Variants in ATG7 observed in about 807,000 individuals in gnomAD.
The protein encoded by ATG7 is autophagy related 7, also known as ubiquitin-like modifier-activating enzyme ATG7.
A neutral mutation model predicts 82.4 loss-of-function variants in ATG7; 70 were observed. The ratio of observed to expected loss-of-function variants is 0.85; its 90% CI spans 0.70 to 1.04. The LOEUF is 1.04. ATG7 is among the 50% of genes least tolerant of loss of function. The pLI is 0.00. For synonymous variants in ATG7, 287 were observed against 313.0 expected (o/e 0.92, Z 0.88); for missense variants, 792 against 864.3 (o/e 0.92, Z 1.05).
the ATG7 span, among the ~76,000 whole-genome samples, chr3:11,573,220 A>G: frequency 7.0e-6 from 1 of 143,844 alleles, no homozygotes; most frequent in Non-Finnish European, 1.5e-5. Context: ...GAGAGAGAGA[A>G]AGACAGACAG....
At chr3:11,341,285 C>T (rs1051779359) in intron 12 of ATG7, among the ~76,000 whole-genome samples, 8 of 152,064 alleles carry the variant, frequency 5.3e-5, no homozygotes, top group African/African-American at 1.9e-4. Flanking sequence ...TGGACTCGAA[C>T]TCCTGACCTC....
intron 9 of ATG7, among the ~76,000 whole-genome samples, chr3:11,330,161 C>G (rs2594998): frequency 1 from 152,332 of 152,332 alleles, 76,166 homozygotes; most frequent in Non-Finnish European, 1. Flanking sequence ...TGATTGCTTG[C>G]TTAAGGTAAT....
At position 11,418,286 on chromosome 3, in the gene ATG7, A is replaced by T. The variant is rs867410568; in HGVS notation, c.1957-8518A>T. Among the ~76,000 whole-genome samples the T allele has an allele frequency of 5.7e-3, 604 of 105,762 alleles. 1 individual carries two copies. The highest frequency in any genetic ancestry group is 0.014 in the African/African-American group (426 of 30,632). The allele number at this position is 105,762 out of a possible 152,430, so 69.4% of individuals were successfully genotyped here. ...TACCTGGCTATTTTTTTTTTTTTTT[A>T]TATTTTGTAGAGACCTGGTCTACAA... is the stretch of plus-strand genomic sequence containing the variant. On this transcript the variant is annotated intron_variant, in intron 19 of 20. Transcript: ENST00000693202.
chr3:11,353,966 A>G (rs1330174439), intron 14 of ATG7, among the ~76,000 whole-genome samples: 2 of 152,220 alleles, frequency 1.3e-5, no homozygotes, highest in East Asian at 1.9e-4. Flanking sequence ...ACAGACTTCA[A>G]GGACAGGGTG....
At chr3:11,441,108 T>A (rs1473516419) in intron 20 of ATG7, among the ~76,000 whole-genome samples, 2 of 152,220 alleles carry the variant, frequency 1.3e-5, no homozygotes, top group African/African-American at 4.8e-5. Context: ...TGCTGTGGGA[T>A]ATTTTTGTTT....
intron 20 of ATG7, among the ~76,000 whole-genome samples, chr3:11,492,125 A>C (rs528544835): frequency 2.0e-5 from 3 of 152,206 alleles, no homozygotes; most frequent in Non-Finnish European, 4.4e-5. Flanking sequence ...CTCCGTGGTC[A>C]TAGGACCCTC....
rs1209078000 is a variant in ATG7 at position 11,362,927 on chromosome 3, G to A, written c.1798G>A (p.Gly600Arg). 3.7e-6 allele frequency: 6 copies of A among 1,613,312 alleles called. No homozygotes were observed. Among genetic ancestry groups the A allele is most frequent in the Admixed American group, 1.7e-5 (1 of 59,944 alleles). Residue 600 changes from glycine to arginine, a missense_variant and splice_region_variant, in exon 17 of 21, where the codon GGG becomes AGG. Coordinates refer to ENST00000693202, the MANE Select transcript of ATG7 (RefSeq NM_001349232.2). Reference sequence around the variant, plus strand: ...GGTATCTGTTTTGCAGCATCCAGAAGGGTGAGTTTGCTAGTAGGAGATGAG... The same window carrying A: ...GGTATCTGTTTTGCAGCATCCAGAAAGGTGAGTTTGCTAGTAGGAGATGAG... ...LMVSVLQHPE[G>R]GYAIASSSDD...
chr3:11,364,423 A>G (rs766673130), intron 17 of ATG7, among the ~76,000 whole-genome samples: 13 of 152,190 alleles, frequency 8.5e-5, no homozygotes, highest in South Asian at 2.1e-4. Flanking sequence ...AAGCACAGAA[A>G]AGTTAAGCAA....
chr3:11,452,745 G>A (rs921869345), intron 20 of ATG7, among the ~76,000 whole-genome samples: 2 of 152,150 alleles, frequency 1.3e-5, no homozygotes, highest in African/African-American at 4.8e-5. Context: ...GGGAACTGAG[G>A]GTTAGAGAGT....
intron 20 of ATG7, among the ~76,000 whole-genome samples, chr3:11,548,089 C>T (rs972253073): frequency 1.3e-5 from 2 of 152,184 alleles, no homozygotes; most frequent in African/African-American, 4.8e-5. Context: ...AGTGACCTTC[C>T]CACCTTGGCC....
intron 20 of ATG7, among the ~76,000 whole-genome samples, chr3:11,542,836 G>T (rs1031547720): frequency 2.0e-5 from 3 of 152,226 alleles, no homozygotes; most frequent in African/African-American, 7.2e-5. Flanking sequence ...TGCCTCAAGT[G>T]TAGCTCGGAG....
intron 20 of ATG7, among the ~76,000 whole-genome samples, chr3:11,460,496 C>T (rs1388699570): frequency 6.6e-6 from 1 of 152,318 alleles, no homozygotes; most frequent in East Asian, 1.9e-4. Context: ...CAGAGCGTTG[C>T]CTTTGCCAGC....
intron 20 of ATG7, among the ~76,000 whole-genome samples, chr3:11,442,507 C>T (rs1009730807): frequency 1.3e-5 from 2 of 151,796 alleles, no homozygotes; most frequent in Admixed American, 1.3e-4. Flanking sequence ...GAACTTTAAA[C>T]AATCATTAGC....
chr3:11,299,402 C>T lies in ATG7; in HGVS notation c.201C>T (p.Phe67=). The T allele has an allele frequency of 6.2e-7, 1 of 1,611,490 alleles. No homozygotes were observed. Among genetic ancestry groups the T allele is most frequent in the Non-Finnish European group, 8.5e-7 (1 of 1,177,640 alleles). The change falls in exon 5 of 21, where the codon TTC becomes TTT. Residue 67 remains phenylalanine, a synonymous_variant. Transcript: ENST00000693202. ...AGLPARLTLE[F]SAFDMSAPTP... is the part of the protein sequence containing the mutation. ...TGCCAGCTCGCTTAACATTGGAGTT[C>T]AGTGCTTTTGACATGTGAGTATTTA...
chr3:11,453,872 C>T (rs1255519480), intron 20 of ATG7, among the ~76,000 whole-genome samples: 1 of 152,126 alleles, frequency 6.6e-6, no homozygotes, highest in Non-Finnish European at 1.5e-5. Context: ...AACAGTGTGC[C>T]CTGGTCAGCT....
At chr3:11,462,409 C>T (rs2086397666) in intron 20 of ATG7, among the ~76,000 whole-genome samples, 1 of 152,030 alleles carries the variant, frequency 6.6e-6, no homozygotes, top group Non-Finnish European at 1.5e-5. Flanking sequence ...GGGAAAGACA[C>T]CAGGGCAGTC....
At chr3:11,390,685 T>C (rs62861960) in intron 19 of ATG7, among the ~76,000 whole-genome samples, 5 of 146,544 alleles carry the variant, frequency 3.4e-5, no homozygotes, top group South Asian at 2.2e-4. Flanking sequence ...TTTTTTTTTT[T>C]CCAGAAAGTA....
chr3:11,558,952 A>T, downstream of ATG7: 4 of 1,173,586 alleles, frequency 3.4e-6, no homozygotes, highest in Non-Finnish European at 3.6e-6. Flanking sequence ...TGGGCTCTGC[A>T]GACAGAACCC....
rs1553652380 is a variant in ATG7, at chr3:11,417,800, A to ATTATTTTTTTTT, written c.1957-9002_1957-9001insATTTTTTTTTTT. On this transcript the variant is annotated intron_variant, in intron 19 of 20. Coordinates refer to ENST00000693202, the MANE Select transcript of ATG7 (RefSeq NM_001349232.2). ...CATTTAAAAAATTATTATTATTATT[A>ATTATTTTTTTTT]TTTTATTTTATTTTATTTTTTTTTT... 1.5e-4 allele frequency among the ~76,000 whole-genome samples: 16 copies of ATTATTTTTTTTT among 109,354 alleles called. 1 individual carries two copies. The highest frequency in any genetic ancestry group is 6.1e-4 in the East Asian group (2 of 3,266). 71.7% of individuals were successfully genotyped at this position (109,354 alleles called of 152,430 possible). A position where few individuals can be genotyped will look rare whatever the true frequency, so the allele number is the denominator to read the frequency against.
Sources: allele counts gnomAD v4.1 joint callset (sites outside exome capture counted in the v4.1 genomes callset), GRCh38; gene constraint gnomAD v4.1.1; transcripts MANE v1.5; gene names NCBI Gene and HGNC (gene_info 2026-07-23, HGNC 2026-07-21).